The following PALM2AKAP2 variants were observed in gnomAD, a reference collection of about 807,000 sequenced individuals.
The protein encoded by PALM2AKAP2 is PALM2 and AKAP2 fusion, also known as PALM2-AKAP2 fusion protein.
PALM2AKAP2 carries 37 observed loss-of-function variants against 71.5 expected under a neutral mutation model. That is an observed-to-expected ratio of 0.52 (90% CI 0.40 to 0.68). The LOEUF (loss-of-function observed/expected upper bound fraction) is 0.68, where lower values mean the gene tolerates loss of function less well. PALM2AKAP2 is among the 30% of genes least tolerant of loss of function. The pLI, the probability that PALM2AKAP2 is intolerant of heterozygous loss-of-function variation, is 0.00. For synonymous variants in PALM2AKAP2, 468 were observed against 478.8 expected, an observed-to-expected ratio of 0.98 and a Z score of 0.29; for missense variants, 1,224 against 1,191.8, an observed-to-expected ratio of 1.03 and a Z score of -0.40.
intron 6 of PALM2AKAP2, among the ~76,000 whole-genome samples, chr9:109,966,300 G>A (rs1588036439): frequency 6.6e-6 from 1 of 152,318 alleles, no homozygotes; most frequent in Admixed American, 6.5e-5. Flanking sequence ...AGAAAAGGGA[G>A]AGATGGAGAC....
upstream of PALM2AKAP2, among the ~76,000 whole-genome samples, chr9:110,045,859 C>T (rs1833587710): frequency 6.6e-6 from 1 of 152,162 alleles, no homozygotes; most frequent in Admixed American, 6.6e-5. Context: ...TGAGCTACCA[C>T]ACCCTGCCGG....
At position 109,836,492 on chromosome 9, in the gene PALM2AKAP2, G is replaced by A. The variant is rs951358156; in HGVS notation, c.46-30999G>A. Among the ~76,000 whole-genome samples, 55 of 152,250 alleles carry A rather than the reference G, an allele frequency of 3.6e-4. 1 individual carries two copies. The highest frequency in any genetic ancestry group is 1.6e-3 in the Admixed American group (25 of 15,292). On this transcript the variant is annotated intron_variant, in intron 1 of 9. Coordinates refer to the PALM2AKAP2 transcript ENST00000302798. ...AGTGCCCCTCCTCCACCAAAGGAAT[G>A]CAGCTCCTTGCCAGCAATGGAACAA...
At chr9:109,822,773 G>A in intron 1 of PALM2AKAP2, among the ~76,000 whole-genome samples, 1 of 152,140 alleles carries the variant, frequency 6.6e-6, no homozygotes, top group Non-Finnish European at 1.5e-5. Flanking sequence ...CACCATTGAT[G>A]GGCATTTGGG....
chr9:110,168,781 A>C, exon 4 of PALM2AKAP2: 1 of 334,674 alleles, frequency 3.0e-6, no homozygotes, highest in Non-Finnish European at 5.5e-6. Context: ...AGGACAAAAC[A>C]TGTTACAAGC....
chr9:109,800,053 C>T (rs1056381520), intron 1 of PALM2AKAP2, among the ~76,000 whole-genome samples: 4 of 152,170 alleles, frequency 2.6e-5, no homozygotes, highest in African/African-American at 9.7e-5. Context: ...TATTGCCTGC[C>T]ATACAGAATG....
chr9:109,980,083 C>T (rs1301132526), intron 6 of PALM2AKAP2, among the ~76,000 whole-genome samples: 2 of 152,152 alleles, frequency 1.3e-5, no homozygotes, highest in Admixed American at 6.5e-5. Flanking sequence ...CTCTGAGCTC[C>T]CTAAACCCTC....
At chr9:110,024,823 T>C (rs1833145821) in intron 7 of PALM2AKAP2, 3 of 687,812 alleles carry the variant, frequency 4.4e-6, no homozygotes, top group East Asian at 5.3e-5. Context: ...CTTGGGTTTT[T>C]TGTTTTTTTT....
intron 6 of PALM2AKAP2, among the ~76,000 whole-genome samples, chr9:109,935,842 T>C (rs1372922483): frequency 6.6e-6 from 1 of 152,230 alleles, no homozygotes; most frequent in East Asian, 1.9e-4. Flanking sequence ...TGCTATGTTA[T>C]TTTCCAATCT....
chr9:109,905,117 T>C (rs1830417953), intron 3 of PALM2AKAP2, among the ~76,000 whole-genome samples: 1 of 152,214 alleles, frequency 6.6e-6, no homozygotes, highest in Non-Finnish European at 1.5e-5. Context: ...ATAATAGCTG[T>C]TGTAAAATAG....
chr9:109,801,910 A>G lies in PALM2AKAP2; in HGVS notation c.45+21377A>G, dbSNP rs1587921389. On this transcript the variant is annotated intron_variant, in intron 1 of 9. Coordinates refer to the PALM2AKAP2 transcript ENST00000302798. Reference sequence around the variant, plus strand: ...TCTCACAAAGCCTTTTCCTGGACTAATGAGAGGGACCATGGGGAGGGGTGA... The same window carrying G: ...TCTCACAAAGCCTTTTCCTGGACTAGTGAGAGGGACCATGGGGAGGGGTGA... Among the ~76,000 whole-genome samples the G allele has an allele frequency of 2.0e-5, 3 of 152,198 alleles. No individual in the cohort carries two copies. In the South Asian group the frequency reaches 6.2e-4, roughly 31 times the overall value.
intron 1 of PALM2AKAP2, among the ~76,000 whole-genome samples, chr9:110,134,649 C>T (rs1357261891): frequency 6.6e-6 from 1 of 152,160 alleles, no homozygotes; most frequent in Non-Finnish European, 1.5e-5. Context: ...AAGAACAAAT[C>T]CATAATTATC....
At chr9:109,995,567 G>A (rs934570097) in intron 6 of PALM2AKAP2, among the ~76,000 whole-genome samples, 1 of 152,202 alleles carries the variant, frequency 6.6e-6, no homozygotes, top group Non-Finnish European at 1.5e-5. Flanking sequence ...GAGGAGCAAA[G>A]TCACATCTTA....
chr9:110,011,951 A>G (rs1044961450), intron 6 of PALM2AKAP2, among the ~76,000 whole-genome samples: 2 of 152,228 alleles, frequency 1.3e-5, no homozygotes, highest in African/African-American at 4.8e-5. Flanking sequence ...ACATCATGAC[A>G]CAGCATAATA....
At chr9:109,804,976 A>G (rs1827533550) in intron 1 of PALM2AKAP2, among the ~76,000 whole-genome samples, 3 of 152,228 alleles carry the variant, frequency 2.0e-5, no homozygotes, top group African/African-American at 7.2e-5. Context: ...TAAATTTTGC[A>G]TCAAGCTTTT....
At chr9:110,063,545 T>C (rs1286774687) in intron 1 of PALM2AKAP2, among the ~76,000 whole-genome samples, 2 of 152,018 alleles carry the variant, frequency 1.3e-5, no homozygotes, top group Non-Finnish European at 2.9e-5. Context: ...GTTCAAGTGA[T>C]TCTCCTGCCT....
intron 6 of PALM2AKAP2, among the ~76,000 whole-genome samples, chr9:109,970,931 G>T (rs1433636896): frequency 1.3e-5 from 2 of 152,046 alleles, no homozygotes; most frequent in African/African-American, 4.8e-5. Context: ...AACATAGGGA[G>T]ACCCTGTGTC....
At chr9:109,881,415 G>A (rs1373512745) in intron 3 of PALM2AKAP2, among the ~76,000 whole-genome samples, 1 of 152,176 alleles carries the variant, frequency 6.6e-6, no homozygotes, top group African/African-American at 2.4e-5. Flanking sequence ...TAGTGAGTCT[G>A]TTTTCAAATT....
At chr9:110,048,489 T>G, upstream of PALM2AKAP2, 1 of 546,010 alleles carries the variant, frequency 1.8e-6, no homozygotes, top group Non-Finnish European at 3.2e-6. Context: ...AGTCTCTGCA[T>G]TCATTCATTT....
chr9:109,896,700 A>T (rs994994498), intron 3 of PALM2AKAP2, among the ~76,000 whole-genome samples: 1 of 152,060 alleles, frequency 6.6e-6, no homozygotes, highest in African/African-American at 2.4e-5. Flanking sequence ...CGTCCCAGCT[A>T]CTCGGGAGGC....
Sources: gnomAD v4.1 joint callset for allele counts (sites outside exome capture counted in the v4.1 genomes callset) on GRCh38, gnomAD v4.1.1 for gene constraint, MANE v1.5 for transcripts, NCBI Gene and HGNC (gene_info 2026-07-23, HGNC 2026-07-21) for gene names.